Variants in LRRIQ1 observed in about 807,000 individuals in gnomAD.
LRRIQ1 encodes the protein leucine-rich repeat- and IQ domain-containing protein 1.
In LRRIQ1, 210 loss-of-function variants were observed where a neutral mutation model predicts 211.9. The observed-to-expected ratio is 0.99, with a 90% CI of 0.89 to 1.11. LRRIQ1 has a LOEUF of 1.11. Ranked by LOEUF, LRRIQ1 falls within the 50% of genes most tolerant of loss-of-function variation. The pLI is 0.00. For missense variants in LRRIQ1, 2,136 were observed against 1,939.5 expected, an observed-to-expected ratio of 1.10 and a Z score of -1.90; for synonymous variants, 699 against 650.1, an observed-to-expected ratio of 1.08 and a Z score of -1.14.
intron 24 of LRRIQ1, among the ~76,000 whole-genome samples, chr12:85,161,896 C>T (rs1252618661): frequency 6.6e-5 from 10 of 151,862 alleles, no homozygotes; most frequent in African/African-American, 2.4e-4. Context: ...AAAAATTAGC[C>T]GGGCGTGGTG....
chr12:85,118,657 G>A (rs1318532959), intron 15 of LRRIQ1, among the ~76,000 whole-genome samples: 3 of 151,832 alleles, frequency 2.0e-5, no homozygotes, highest in Non-Finnish European at 4.4e-5. Flanking sequence ...GCCTTCATGG[G>A]CCACTTCTTT....
chr12:85,251,752 T>C (rs1411729291), intron 1 of LRRIQ1, among the ~76,000 whole-genome samples: 1 of 149,920 alleles, frequency 6.7e-6, no homozygotes, highest in Non-Finnish European at 1.5e-5. Context: ...CATATATGTG[T>C]ATTTTGGACT....
intron 6 of LRRIQ1, among the ~76,000 whole-genome samples, chr12:85,051,087 T>C (rs1015353829): frequency 2.0e-5 from 3 of 152,102 alleles, no homozygotes; most frequent in African/African-American, 7.2e-5. Context: ...ATGAATAGCT[T>C]GGTGCTCTCC....
chr12:85,272,515 G>T, the LRRIQ1 span, among the ~76,000 whole-genome samples: 1 of 151,456 alleles, frequency 6.6e-6, no homozygotes. Flanking sequence ...TTAGTTTATA[G>T]TAATTTTAAT....
At position 85,121,844 on chromosome 12, in the gene LRRIQ1, C is replaced by T; in HGVS notation, c.3525C>T (p.Asn1175=). 1 of 1,606,682 alleles carries T rather than the reference C, an allele frequency of 6.2e-7. No individual in the cohort carries two copies. Among genetic ancestry groups the T allele is most frequent in the South Asian group, 1.1e-5 (1 of 89,566 alleles). Residue 1175 remains asparagine (N), a synonymous_variant, in exon 16 of 27, where the codon AAC becomes AAT. Transcript: ENST00000393217. ...GTCAGTCTCAGATTCGAGAATTCAA[C>T]TTGCTAATTGAAAATTATATAACTG... The part of the protein sequence containing the change: ...ALCQSQIREF[N]LLIENYITGK...
In LRRIQ1 at chr12:85,098,880, A is replaced by G. The variant is rs139758674; in HGVS notation, c.3095A>G (p.Glu1032Gly). 20 of 1,556,828 alleles carry G rather than the reference A, an allele frequency of 1.3e-5. No homozygotes were observed. The highest frequency in any genetic ancestry group is 1.7e-5 in the Non-Finnish European group (19 of 1,150,838). Residue 1032 changes from glutamate (E) to glycine (G), a missense_variant, in exon 13 of 27, where the codon GAG becomes GGG. Coordinates refer to ENST00000393217, the MANE Select transcript of LRRIQ1 (RefSeq NM_001079910.2). ...ATTTAAATATAGCTTCCATCCTTGG[A>G]GAATCTTGTTTTACTAAGAGAATTG... ...GNYLSELPSL[E>G]NLVLLRELHL...
chr12:85,089,057 G>T (rs560305108), intron 11 of LRRIQ1, among the ~76,000 whole-genome samples: 52 of 152,160 alleles, frequency 3.4e-4, no homozygotes, highest in Non-Finnish European at 7.2e-4. Flanking sequence ...TGCCCATTCA[G>T]TGTGATATTG....
chr12:85,087,295 AG>A (rs1206453504), intron 11 of LRRIQ1, among the ~76,000 whole-genome samples: 2 of 152,174 alleles, frequency 1.3e-5, no homozygotes, highest in Non-Finnish European at 2.9e-5. Flanking sequence ...ATTACTGCAT[AG>A]TATTCCATGG....
chr12:85,051,923 A>G (rs1880372682), intron 6 of LRRIQ1, among the ~76,000 whole-genome samples: 1 of 152,172 alleles, frequency 6.6e-6, no homozygotes, highest in African/African-American at 2.4e-5. Context: ...TATTCTGTGA[A>G]TAAACATACT....
At chr12:85,037,614 C>T (rs1253545429) in intron 1 of LRRIQ1, among the ~76,000 whole-genome samples, 1 of 150,118 alleles carries the variant, frequency 6.7e-6, no homozygotes, top group African/African-American at 2.5e-5. Flanking sequence ...GAGGAATTAA[C>T]GAAAGGGAAA....
chr12:85,042,967 A>G (rs897131351), intron 3 of LRRIQ1, among the ~76,000 whole-genome samples: 4 of 152,092 alleles, frequency 2.6e-5, no homozygotes, highest in African/African-American at 7.2e-5. Flanking sequence ...CAGACACTCT[A>G]GCTACTTTAG....
At chr12:85,074,963 G>C (rs1883479004) in intron 11 of LRRIQ1, among the ~76,000 whole-genome samples, 1 of 151,896 alleles carries the variant, frequency 6.6e-6, no homozygotes, top group African/African-American at 2.4e-5. Context: ...CTTTCTAGCA[G>C]AAAATTTTGA....
chr12:85,102,949 A>T (rs1174368513), intron 13 of LRRIQ1, among the ~76,000 whole-genome samples: 4 of 106,218 alleles, frequency 3.8e-5, no homozygotes, highest in East Asian at 4.0e-4. Flanking sequence ...TGTGGCAAAA[A>T]AAAAAAAAAA....
intron 24 of LRRIQ1, among the ~76,000 whole-genome samples, chr12:85,209,906 G>T (rs761122528): frequency 2.0e-5 from 3 of 152,040 alleles, no homozygotes; most frequent in Admixed American, 6.6e-5. Flanking sequence ...TGACTCCAAA[G>T]CCCATGGTAT....
At chr12:85,152,917 T>C in intron 20 of LRRIQ1, 107 bp from the exon 21 acceptor site, 1 of 580,554 alleles carries the variant, frequency 1.7e-6, no homozygotes, top group Non-Finnish European at 2.8e-6. Flanking sequence ...AATTTTATAA[T>C]GAGTTTCCCT....
At chr12:85,133,042 G>T (rs1888882737) in intron 18 of LRRIQ1, among the ~76,000 whole-genome samples, 1 of 151,928 alleles carries the variant, frequency 6.6e-6, no homozygotes, top group South Asian at 2.1e-4. Context: ...AATATCACAT[G>T]ATTTTCTTAT....
intron 21 of LRRIQ1, 110 bp from the exon 22 acceptor site, chr12:85,153,553 T>C (rs1890363979): frequency 2.8e-6 from 2 of 708,936 alleles, no homozygotes; most frequent in Non-Finnish European, 2.3e-6. Context: ...TGTTTTTTGC[T>C]AACTTAGATT....
chr12:85,123,244 T>A (rs927603108), intron 16 of LRRIQ1, among the ~76,000 whole-genome samples: 7 of 152,078 alleles, frequency 4.6e-5, no homozygotes, highest in African/African-American at 1.7e-4. Context: ...ATTGTAACTT[T>A]CATTTTGTTT....
In LRRIQ1 at chr12:85,153,649, T is replaced by C. The variant is rs1337520794; in HGVS notation, c.4542-14T>C. 2 of 1,554,754 alleles carry C rather than the reference T, an allele frequency of 1.3e-6. No homozygotes were observed. The highest frequency in any genetic ancestry group is 1.9e-5 in the Admixed American group (1 of 52,320). On this transcript the variant is annotated splice_polypyrimidine_tract_variant and intron_variant, in intron 21 of 26. Transcript: ENST00000393217. ...GTGTTGATTCAGTTAAAAGTGGTTT[T>C]TTTCTATTGCCAGATCAGAAAATAA...
Sources: allele counts gnomAD v4.1 joint callset (sites outside exome capture counted in the v4.1 genomes callset), GRCh38; gene constraint gnomAD v4.1.1; transcripts MANE v1.5; gene names NCBI Gene and HGNC (gene_info 2026-07-23, HGNC 2026-07-21).